Variants in SLC24A3 observed in about 807,000 individuals in gnomAD.
SLC24A3 encodes solute carrier family 24 member 3.
A neutral mutation model predicts 75.8 loss-of-function variants in SLC24A3; 28 were observed. That is an observed-to-expected ratio of 0.37 (90% confidence interval 0.27 to 0.51). The LOEUF (loss-of-function observed/expected upper bound fraction) is 0.51. Among genes scored for constraint, SLC24A3 ranks in the 20% least tolerant of loss-of-function variants. The pLI, the probability that SLC24A3 is intolerant of heterozygous loss-of-function variation, is 0.94. For missense variants in SLC24A3, 663 were observed against 847.8 expected (o/e 0.78, Z 2.71); for synonymous variants, 372 against 334.1 (o/e 1.11, Z -1.24).
At chr20:19,369,606 A>G (rs566303203) in intron 2 of SLC24A3, among the ~76,000 whole-genome samples, 1 of 152,086 alleles carries the variant, frequency 6.6e-6, no homozygotes, top group East Asian at 1.9e-4. Context: ...CCATTTTTTT[A>G]TAATTTCACA....
At chr20:19,409,998 T>C (rs937043242) in intron 2 of SLC24A3, among the ~76,000 whole-genome samples, 7 of 152,160 alleles carry the variant, frequency 4.6e-5, no homozygotes, top group African/African-American at 1.7e-4. Flanking sequence ...TAATGATACA[T>C]GCATCACATC....
intron 1 of SLC24A3, among the ~76,000 whole-genome samples, chr20:19,215,167 T>C (rs1476957350): frequency 6.6e-6 from 1 of 152,226 alleles, no homozygotes; most frequent in Non-Finnish European, 1.5e-5. Context: ...GCAAGGGGAA[T>C]TGTCGTTTGG....
chr20:19,679,516 T>C (rs947519212), intron 9 of SLC24A3, among the ~76,000 whole-genome samples: 2 of 99,844 alleles, frequency 2.0e-5, no homozygotes, highest in African/African-American at 7.9e-5. Flanking sequence ...AGGGAGACCG[T>C]GGGGAGAGGG....
intron 6 of SLC24A3, among the ~76,000 whole-genome samples, chr20:19,592,132 G>C (rs112329042): frequency 6.6e-5 from 10 of 152,094 alleles, no homozygotes; most frequent in Non-Finnish European, 8.8e-5. Flanking sequence ...GTACTATTTT[G>C]TTTTGTTTTC....
At chr20:19,504,258 A>G (rs1437145773) in intron 2 of SLC24A3, among the ~76,000 whole-genome samples, 1 of 152,222 alleles carries the variant, frequency 6.6e-6, no homozygotes, top group Non-Finnish European at 1.5e-5. Flanking sequence ...TGTGCTTTTC[A>G]TGAAATTCTG....
intron 2 of SLC24A3, among the ~76,000 whole-genome samples, chr20:19,497,841 T>C (rs1200739153): frequency 6.6e-6 from 1 of 152,174 alleles, no homozygotes; most frequent in Admixed American, 6.5e-5. Flanking sequence ...CTTGGCTGTT[T>C]GTTCAAGGAG....
intron 2 of SLC24A3, among the ~76,000 whole-genome samples, chr20:19,440,993 C>T (rs548220514): frequency 7.9e-5 from 12 of 151,912 alleles, no homozygotes; most frequent in African/African-American, 2.7e-4. Flanking sequence ...GGAAGCAGGC[C>T]GGATCCTGAG....
intron 2 of SLC24A3, among the ~76,000 whole-genome samples, chr20:19,316,669 A>AG (rs1352585460): frequency 2.0e-5 from 3 of 152,174 alleles, no homozygotes; most frequent in Non-Finnish European, 4.4e-5. Context: ...GGTTGGCCCT[A>AG]GGGGCTGGGG....
At chr20:19,449,855 G>A (rs552224714) in intron 2 of SLC24A3, among the ~76,000 whole-genome samples, 12 of 152,290 alleles carry the variant, frequency 7.9e-5, no homozygotes, top group Admixed American at 3.9e-4. Context: ...TTCCAGATAC[G>A]CTTTATCTTC....
intron 2 of SLC24A3, among the ~76,000 whole-genome samples, chr20:19,455,778 G>A (rs539482128): frequency 1.3e-5 from 2 of 152,308 alleles, no homozygotes; most frequent in South Asian, 2.1e-4. Flanking sequence ...GTGCTTCCTC[G>A]GATCACCCCC....
chr20:19,627,325 T>C (rs2031877793), intron 6 of SLC24A3, among the ~76,000 whole-genome samples: 1 of 152,254 alleles, frequency 6.6e-6, no homozygotes, highest in Non-Finnish European at 1.5e-5. Flanking sequence ...TTCCATTATG[T>C]CTAAATTCTT....
intron 2 of SLC24A3, among the ~76,000 whole-genome samples, chr20:19,343,086 A>G (rs1568594786): frequency 1.5e-5 from 2 of 133,424 alleles, no homozygotes; most frequent in African/African-American, 7.3e-5. Flanking sequence ...AAAAAAAAAG[A>G]AAAAAGAAAA....
rs146743119 is a variant in SLC24A3, at chr20:19,722,451, C to A, written c.*1311C>A. ...GCTCAAGGGCATAAGTTATTGTGAA[C>A]GTTTTTGCCAATCACTGCTCAACAG... On this transcript the variant is annotated 3_prime_UTR_variant, in exon 17 of 17. Coordinates refer to ENST00000328041, the MANE Select transcript of SLC24A3 (RefSeq NM_020689.4). The A allele has an allele frequency of 3.9e-5, 6 of 152,658 alleles. No homozygotes were observed. Among genetic ancestry groups the A allele is most frequent in the Non-Finnish European group, 8.8e-5 (6 of 68,042 alleles). The allele number at this position is 152,658 out of a possible 1,614,324, so 9.5% of individuals were successfully genotyped here.
chr20:19,298,170 T>G (rs1984104593), intron 2 of SLC24A3, among the ~76,000 whole-genome samples: 1 of 152,218 alleles, frequency 6.6e-6, no homozygotes, highest in Non-Finnish European at 1.5e-5. Flanking sequence ...TTCAAGTACC[T>G]TTATTGGGAA....
At chr20:19,694,458 A>G (rs1310857106) in intron 13 of SLC24A3, 4 of 152,208 alleles carry the variant, frequency 2.6e-5, no homozygotes, top group Non-Finnish European at 5.9e-5. Context: ...TAAACCTGAC[A>G]CAACTAATTC....
chr20:19,257,049 C>G (rs1329620066), intron 1 of SLC24A3, among the ~76,000 whole-genome samples: 3 of 152,148 alleles, frequency 2.0e-5, no homozygotes, highest in African/African-American at 7.2e-5. Context: ...TATTCTTCCA[C>G]AAAACGATCC....
intron 2 of SLC24A3, among the ~76,000 whole-genome samples, chr20:19,452,615 C>A (rs1018875272): frequency 2.6e-5 from 4 of 152,022 alleles, no homozygotes; most frequent in African/African-American, 9.7e-5. Context: ...CTTCATAGAG[C>A]ATCATACAGG....
intron 6 of SLC24A3, among the ~76,000 whole-genome samples, chr20:19,615,327 T>C (rs2122668314): frequency 6.6e-6 from 1 of 152,360 alleles, no homozygotes; most frequent in East Asian, 1.9e-4. Flanking sequence ...TAGTCCATTC[T>C]CAAATTGCTA....
intron 2 of SLC24A3, among the ~76,000 whole-genome samples, chr20:19,351,803 C>T (rs1043222359): frequency 3.9e-5 from 6 of 152,150 alleles, no homozygotes; most frequent in African/African-American, 1.4e-4. Flanking sequence ...TGATCAAACA[C>T]AGAATGTGTA....
Sources: gnomAD v4.1 joint callset for allele counts (sites outside exome capture counted in the v4.1 genomes callset) on GRCh38, gnomAD v4.1.1 for gene constraint, MANE v1.5 for transcripts, NCBI Gene and HGNC (gene_info 2026-07-23, HGNC 2026-07-21) for gene names.